Variants in GSDMC observed in about 807,000 individuals in gnomAD.
GSDMC encodes the protein gasdermin-C.
Under a neutral mutation model 58.0 loss-of-function variants are expected in GSDMC, and 59 were observed. The ratio of observed to expected loss-of-function variants is 1.02; its 90% confidence interval spans 0.82 to 1.26. GSDMC has a LOEUF of 1.26. Among genes scored for constraint, GSDMC ranks in the 50% most tolerant of loss-of-function variants. The probability of loss-of-function intolerance (pLI) is 0.00; values close to 1 mark genes in which losing one functional copy is unlikely to be tolerated. For missense variants in GSDMC, 659 were observed against 598.5 expected, an observed-to-expected ratio of 1.10 and a Z score of -1.06; for synonymous variants, 241 against 220.2, an observed-to-expected ratio of 1.09 and a Z score of -0.83.
At chr8:129,716,620 G>A in the GSDMC span, among the ~76,000 whole-genome samples, 1 of 152,102 alleles carries the variant, frequency 6.6e-6, no homozygotes. Context: ...TCTTTCTCTT[G>A]CCTGATTGCC....
At chr8:129,781,667 C>A (rs1401305290) in intron 1 of GSDMC, among the ~76,000 whole-genome samples, 1 of 151,938 alleles carries the variant, frequency 6.6e-6, no homozygotes, top group Non-Finnish European at 1.5e-5. Flanking sequence ...ATGGCGTGAA[C>A]CCAGGAGGTG....
the GSDMC span, among the ~76,000 whole-genome samples, chr8:129,735,606 A>G: frequency 6.6e-6 from 1 of 152,332 alleles, no homozygotes; most frequent in South Asian, 2.1e-4. Flanking sequence ...CTTTGAAACC[A>G]ATGAGAAAAA....
At chr8:129,743,857 C>T (rs1401680631), downstream of GSDMC, among the ~76,000 whole-genome samples, 1 of 152,154 alleles carries the variant, frequency 6.6e-6, no homozygotes, top group Non-Finnish European at 1.5e-5. Flanking sequence ...CCTGAGTGTT[C>T]AATGAGTTCT....
the GSDMC span, among the ~76,000 whole-genome samples, chr8:129,712,799 C>T: frequency 3.9e-5 from 6 of 152,216 alleles, no homozygotes; most frequent in African/African-American, 1.4e-4. Context: ...TTTCATTTTA[C>T]CCATCTAGAG....
intron 3 of GSDMC, among the ~76,000 whole-genome samples, chr8:129,771,413 T>C (rs984975464): frequency 5.3e-5 from 8 of 152,226 alleles, no homozygotes; most frequent in African/African-American, 1.7e-4. Context: ...ATAGATCATA[T>C]GTTAGGCCAC....
At chr8:129,741,915 A>AATATATATACATATATATAT in the GSDMC span, among the ~76,000 whole-genome samples, 1 of 126,272 alleles carries the variant, frequency 7.9e-6, no homozygotes, top group Non-Finnish European at 1.6e-5. Flanking sequence ...AAGAAAATGT[A>AATATATATACATATATATAT]ATATATATAT....
chr8:129,761,345 T>C (rs750713965), intron 5 of GSDMC, among the ~76,000 whole-genome samples: 8 of 152,146 alleles, frequency 5.3e-5, no homozygotes, highest in Non-Finnish European at 1.0e-4. Context: ...CCTCCTTTAG[T>C]TATCACCTCC....
intron 12 of GSDMC, 42 bp downstream of exon 12, chr8:129,749,948 C>T (rs200193960): frequency 3.7e-4 from 572 of 1,534,390 alleles, no homozygotes; most frequent in Non-Finnish European, 4.8e-4. Context: ...TCCTGGGGAC[C>T]AATCTTGTGA....
At chr8:129,783,273 C>G (rs911191282) in intron 1 of GSDMC, among the ~76,000 whole-genome samples, 1 of 151,518 alleles carries the variant, frequency 6.6e-6, no homozygotes, top group Non-Finnish European at 1.5e-5. Flanking sequence ...ACATAAAGGG[C>G]ATCCAAATTG....
At chr8:129,780,125 A>C (rs894111661) in intron 1 of GSDMC, among the ~76,000 whole-genome samples, 2 of 152,178 alleles carry the variant, frequency 1.3e-5, no homozygotes, top group African/African-American at 4.8e-5. Context: ...AAGATGTAGA[A>C]AATAGCCTCA....
chr8:129,770,071 A>G (rs1014774173), intron 3 of GSDMC, among the ~76,000 whole-genome samples: 8 of 152,356 alleles, frequency 5.3e-5, no homozygotes, highest in African/African-American at 1.9e-4. Flanking sequence ...TATTAAAAAT[A>G]ACTCTATAAT....
intron 4 of GSDMC, among the ~76,000 whole-genome samples, chr8:129,764,594 G>A (rs1417666677): frequency 6.6e-6 from 1 of 152,182 alleles, no homozygotes; most frequent in Non-Finnish European, 1.5e-5. Flanking sequence ...TTCTGCCAGA[G>A]TGGGTGAGGG....
chr8:129,772,260 C>CAAAAAAAA (rs1161238758), intron 3 of GSDMC, among the ~76,000 whole-genome samples: 1 of 94,312 alleles, frequency 1.1e-5, no homozygotes, highest in Non-Finnish European at 2.1e-5. Flanking sequence ...GACTCCGTCT[C>CAAAAAAAA]AAAAAAAAAA....
At chr8:129,744,392 T>A (rs2032922668), downstream of GSDMC, among the ~76,000 whole-genome samples, 1 of 152,226 alleles carries the variant, frequency 6.6e-6, no homozygotes, top group African/African-American at 2.4e-5. Flanking sequence ...AAGGTTGATG[T>A]CTGCTCTAGA....
chr8:129,771,245 C>T (rs1212192064), intron 3 of GSDMC, among the ~76,000 whole-genome samples: 1 of 151,816 alleles, frequency 6.6e-6, no homozygotes, highest in Non-Finnish European at 1.5e-5. Flanking sequence ...CCCACTCTTA[C>T]TAATGGCCAC....
chr8:129,760,172 A>AACAC (rs2033602428), intron 6 of GSDMC, among the ~76,000 whole-genome samples: 1 of 152,198 alleles, frequency 6.6e-6, no homozygotes, highest in African/African-American at 2.4e-5. Flanking sequence ...AAAACAGTTG[A>AACAC]ACACATACAG....
In GSDMC at chr8:129,776,749, G is replaced by A. The variant is rs889238201; in HGVS notation, c.221-464C>T. Among the ~76,000 whole-genome samples, 4 of 151,862 alleles carry A rather than the reference G, an allele frequency of 2.6e-5. No homozygotes were observed. In the South Asian group the frequency reaches 6.2e-4, roughly 24 times the overall value. On this transcript the variant is annotated intron_variant, in intron 2 of 13. Transcript: ENST00000276708. ...TTGTTTGGTTTTTGCTGTTGTTGTTGTTGTTGTTGTTTTTGTTGTTGTTGT... is the reference window on the plus strand; with the variant it reads ...TTGTTTGGTTTTTGCTGTTGTTGTTATTGTTGTTGTTTTTGTTGTTGTTGT...
At chr8:129,759,449 T>A (rs1418249689) in intron 6 of GSDMC, among the ~76,000 whole-genome samples, 1 of 152,110 alleles carries the variant, frequency 6.6e-6, no homozygotes, top group African/African-American at 2.4e-5. Flanking sequence ...TGAGAAAATA[T>A]TTGCAAACTA....
chr8:129,776,073 T>A, intron 3 of GSDMC, 29 bp downstream of exon 3: 1 of 1,552,172 alleles, frequency 6.4e-7, no homozygotes, highest in Non-Finnish European at 8.8e-7. Context: ...ATACTGATGA[T>A]CCATCCCCTT....
Sources: allele counts gnomAD v4.1 joint callset (sites outside exome capture counted in the v4.1 genomes callset), GRCh38; gene constraint gnomAD v4.1.1; transcripts MANE v1.5; gene names NCBI Gene and HGNC (gene_info 2026-07-23, HGNC 2026-07-21).